NLRP12: variants seen among roughly 807,000 people sequenced by gnomAD.
NLRP12 encodes the protein NACHT, LRR and PYD domains-containing protein 12.
Under a neutral mutation model 91.2 loss-of-function variants are expected in NLRP12, and 108 were observed. The ratio of observed to expected loss-of-function variants is 1.18; its 90% CI spans 1.01 to 1.39. The LOEUF (loss-of-function observed/expected upper bound fraction) is 1.39. NLRP12 is among the 40% of genes most tolerant of loss of function. NLRP12 has a pLI of 0.00. For synonymous variants in NLRP12, 613 were observed against 566.7 expected (o/e 1.08, Z -1.16); for missense variants, 1,530 against 1,352.7 (o/e 1.13, Z -2.06).
At position 53,824,103 on chromosome 19, in the gene NLRP12, T is replaced by C. The variant is rs751381269; in HGVS notation, c.72A>G (p.Glu24=). The C allele has an allele frequency of 3.7e-6, 6 of 1,614,012 alleles. No individual in the cohort carries two copies. The highest frequency in any genetic ancestry group is 5.1e-6 in the Non-Finnish European group (6 of 1,180,028). The change falls in exon 1 of 10, where the codon GAA becomes GAG. Residue 24 remains glutamate (E), a synonymous_variant. Transcript: ENST00000324134. ...CCAGGTATAACTTGAACTTCTTCAG[T>C]TCCACAGCCTCGAGTTCTTCCAAGT... The part of the protein sequence containing the change: ...STYLEELEAV[E]LKKFKLYLGT...
chr19:53,821,554 G>A (rs561005498), intron 1 of NLRP12, among the ~76,000 whole-genome samples: 31 of 152,168 alleles, frequency 2.0e-4, no homozygotes, highest in African/African-American at 6.3e-4. Context: ...TGCAGTCCCA[G>A]CTACTCGGGA....
At chr19:53,815,940 T>A (rs1447757040) in intron 1 of NLRP12, among the ~76,000 whole-genome samples, 3 of 144,162 alleles carry the variant, frequency 2.1e-5, no homozygotes, top group African/African-American at 2.5e-5. Context: ...TTTAATTTTT[T>A]TTTTTTTTTT....
In NLRP12 at chr19:53,798,385, C is replaced by T. The variant is rs146368839; in HGVS notation, c.2785G>A (p.Ala929Thr). The change falls in exon 8 of 10, where the codon GCC (alanine) becomes ACC (threonine). Residue 929 changes from alanine to threonine, a missense_variant. By Grantham distance (58) the Ala-to-Thr change is moderately conservative (BLOSUM62 0). Coordinates refer to ENST00000324134, the MANE Select transcript of NLRP12 (RefSeq NM_144687.4). ...RLGICRLGSA[A>T]CEGLSVVLQA... Reference sequence around the variant, plus strand: ...AGCACCACAGAAAGACCCTCACAGGCGGCAGAGCCCAGCCGGCAGATGCCC... The same window carrying T: ...AGCACCACAGAAAGACCCTCACAGGTGGCAGAGCCCAGCCGGCAGATGCCC... 2.7e-4 allele frequency: 442 copies of T among 1,614,090 alleles called. 2 individuals carry two copies. The East Asian group carries it at 8.5e-3, about 31-fold the overall frequency.
At chr19:53,809,508 G>T in intron 3 of NLRP12, 79 bp downstream of exon 3, 1 of 1,254,712 alleles carries the variant, frequency 8.0e-7, no homozygotes, top group Non-Finnish European at 1.1e-6. Flanking sequence ...TCCAGCCTAG[G>T]CAACAGAGCA....
At chr19:53,804,642 C>G (rs1443358607) in intron 5 of NLRP12, among the ~76,000 whole-genome samples, 8 of 150,570 alleles carry the variant, frequency 5.3e-5, no homozygotes, top group Non-Finnish European at 8.9e-5. Context: ...AACTCCTGAC[C>G]TCAGGTGATC....
At chr19:53,807,320 C>T (rs1395032599) in intron 4 of NLRP12, among the ~76,000 whole-genome samples, 175 bp downstream of exon 4, 1 of 152,110 alleles carries the variant, frequency 6.6e-6, no homozygotes, top group Non-Finnish European at 1.5e-5. Flanking sequence ...TGCCCGCCTT[C>T]ACCTGTCAAC....
intron 2 of NLRP12, 98 bp from the exon 3 acceptor site, chr19:53,811,386 T>G: frequency 3.6e-6 from 5 of 1,377,836 alleles, no homozygotes; most frequent in Non-Finnish European, 5.2e-6. Flanking sequence ...AGAAGGTGTG[T>G]GCCTGTAGTT....
At chr19:53,805,521 CT>C (rs34166148) in intron 4 of NLRP12, 71 bp from the exon 5 acceptor site, 7,078 of 1,164,864 alleles carry the variant, frequency 6.1e-3, no homozygotes, top group Middle Eastern at 0.011. Flanking sequence ...TTTTCTTTTG[CT>C]TTTTTTTTTT....
chr19:53,793,731 C>T (rs938384383), downstream of NLRP12: 9 of 398,834 alleles, frequency 2.3e-5, no homozygotes, highest in African/African-American at 1.8e-4. Context: ...ACTACAGGTG[C>T]CCGCCACCAT....
intron 1 of NLRP12, among the ~76,000 whole-genome samples, chr19:53,819,896 G>A (rs550464589): frequency 1.3e-5 from 2 of 150,542 alleles, no homozygotes; most frequent in South Asian, 4.2e-4. Context: ...GGAAAAGAAG[G>A]GAAAAGAAGG....
intron 3 of NLRP12, among the ~76,000 whole-genome samples, 164 bp downstream of exon 3, chr19:53,809,423 T>C (rs1302925722): frequency 5.9e-5 from 8 of 136,712 alleles, no homozygotes; most frequent in Non-Finnish European, 1.2e-4. Flanking sequence ...CCCAGCTACT[T>C]GGGAGGCTGA....
Position 53,810,241 on chromosome 19 carries a change from TTC to T in NLRP12, c.1416_1417del (p.Lys473AsnfsTer4). 6.2e-7 allele frequency: 1 copy of T among 1,614,164 alleles called. No individual in the cohort carries two copies. The highest frequency in any genetic ancestry group is 1.1e-5 in the South Asian group (1 of 91,088). Reference sequence around the variant, plus strand: ...GAGGTCCTGCTCCTCAAATAGGATTTTCTGATTCCAGAGCCCATCTGCCGCCA... The same window carrying T: ...GAGGTCCTGCTCCTCAAATAGGATTTTGATTCCAGAGCCCATCTGCCGCCA... On this transcript the variant is annotated frameshift_variant, in exon 3 of 10. Transcript: ENST00000324134. LOFTEE classifies it high-confidence loss of function.
At chr19:53,805,167 A>T in intron 5 of NLRP12, 113 bp downstream of exon 5, 3 of 1,166,900 alleles carry the variant, frequency 2.6e-6, no homozygotes, top group Non-Finnish European at 3.8e-6. Context: ...TCATGGGGTT[A>T]AGGGCCAGCC....
chr19:53,812,921 C>T (rs1466226327), intron 2 of NLRP12, among the ~76,000 whole-genome samples: 1 of 150,176 alleles, frequency 6.7e-6, no homozygotes, highest in Non-Finnish European at 1.5e-5. Flanking sequence ...TGCTCTGTCC[C>T]CCAGGCTGGA....
At chr19:53,805,211 C>T in intron 5 of NLRP12, 69 bp downstream of exon 5, 3 of 1,494,782 alleles carry the variant, frequency 2.0e-6, no homozygotes, top group South Asian at 1.1e-5. Context: ...GGATTACCAG[C>T]ATTTTGTGAT....
Position 53,810,308 on chromosome 19 carries a change from G to A in NLRP12, c.1351C>T (p.Arg451Cys), listed in dbSNP as rs769847348. The change falls in exon 3 of 10, where the codon CGC becomes TGC. Residue 451 changes from arginine to cysteine, a missense_variant. Physicochemically the swap from Arg to Cys is radical, Grantham distance 180. Coordinates refer to ENST00000324134, the MANE Select transcript of NLRP12 (RefSeq NM_144687.4). ...CTCTGGTTGGGTGGGGGCTGGAGGC[G>A]CGGGGCCCCCGGCTTGGGTTGCATC... is the stretch of plus-strand genomic sequence containing the variant. ...SLMQPKPGAP[R>C]LQPPPNQRGL... The A allele has an allele frequency of 1.2e-5, 20 of 1,613,694 alleles. No individual in the cohort carries two copies. Among genetic ancestry groups the A allele is most frequent in the Non-Finnish European group, 1.7e-5 (20 of 1,180,032 alleles).
intron 4 of NLRP12, among the ~76,000 whole-genome samples, chr19:53,805,961 C>G (rs754376659): frequency 6.6e-6 from 1 of 151,674 alleles, no homozygotes; most frequent in African/African-American, 2.4e-5. Context: ...AGGCCATGTG[C>G]GGTGGCTCAA....
chr19:53,816,244 C>G (rs1244572782), intron 1 of NLRP12, among the ~76,000 whole-genome samples: 1 of 152,026 alleles, frequency 6.6e-6, no homozygotes, highest in South Asian at 2.1e-4. Flanking sequence ...CCAGCGGCAC[C>G]CCATCTGGTC....
Position 53,809,882 on chromosome 19 carries a change from GCAACAGGTC to G in NLRP12, c.1768_1776del (p.Asp590_Leu592del). On this transcript the variant is annotated inframe_deletion, in exon 3 of 10. Transcript: ENST00000324134. Reference sequence around the variant, plus strand: ...CTCTGAGCTTTGCTTTGGATCCACTGCAACAGGTCCATCTTGATGTGCGGCGAGACCTTC... The same window carrying G: ...CTCTGAGCTTTGCTTTGGATCCACTGCATCTTGATGTGCGGCGAGACCTTC... 1 of 1,614,096 alleles carries G rather than the reference GCAACAGGTC, an allele frequency of 6.2e-7. No homozygotes were observed. The highest frequency in any genetic ancestry group is 1.1e-5 in the South Asian group (1 of 91,088).
Sources: allele counts gnomAD v4.1 joint callset (sites outside exome capture counted in the v4.1 genomes callset), GRCh38; gene constraint gnomAD v4.1.1; transcripts MANE v1.5; gene names NCBI Gene and HGNC (gene_info 2026-07-23, HGNC 2026-07-21).